DIAPH2: variants seen among roughly 807,000 people sequenced by gnomAD.
DIAPH2 encodes the protein protein diaphanous homolog 2.
Under a neutral mutation model 92.7 loss-of-function variants are expected in DIAPH2, and 35 were observed. That is an observed-to-expected ratio of 0.38 (90% CI 0.29 to 0.50). DIAPH2 has a LOEUF of 0.50. Among genes scored for constraint, DIAPH2 ranks in the 20% least tolerant of loss-of-function variants. The probability of loss-of-function intolerance (pLI) is 0.94; values close to 1 mark genes in which losing one functional copy is unlikely to be tolerated. For synonymous variants in DIAPH2, 301 were observed against 280.4 expected (o/e 1.07, Z -0.73); for missense variants, 701 against 819.5 (o/e 0.86, Z 1.77).
chrX:97,384,062 A>AT lies in DIAPH2; in HGVS notation c.3145+23dup. On this transcript the variant is annotated intron_variant, in intron 25 of 26. Coordinates refer to ENST00000324765, the MANE Select transcript of DIAPH2 (RefSeq NM_006729.5). ...AAACAAAGGTATGAAAATATTTCCA[A>AT]TTTTTACAAAAATGCAAGAAGTACA... The AT allele has an allele frequency of 8.9e-7, 1 of 1,126,138 alleles. No individual in the cohort carries two copies. Among genetic ancestry groups the AT allele is most frequent in the East Asian group, 3.0e-5 (1 of 33,000 alleles). The allele number at this position is 1,126,138 out of a possible 1,213,427, so 92.8% of individuals were successfully genotyped here.
At chrX:96,809,070 A>G (rs745575784) in intron 4 of DIAPH2, among the ~76,000 whole-genome samples, 1 of 111,582 alleles carries the variant, frequency 9.0e-6, no homozygotes, top group Non-Finnish European at 1.9e-5. Flanking sequence ...CCAGCCACAA[A>G]TATTGTTTCC....
chrX:97,185,449 G>GTATATATA (rs1569323271), intron 22 of DIAPH2, among the ~76,000 whole-genome samples: 1 of 6,348 alleles, frequency 1.6e-4, no homozygotes, highest in Non-Finnish European at 2.8e-4. Flanking sequence ...ATATATATAT[G>GTATATATA]TGTGTGTATA....
rs764769544 is a variant in DIAPH2, at chrX:97,142,500, A to G, written c.2719+706A>G. Among the ~76,000 whole-genome samples the G allele has an allele frequency of 2.7e-5, 3 of 111,542 alleles. No homozygotes were observed. The South Asian group carries it at 1.1e-3, about 42-fold the overall frequency. ...ATCTCTGAGACTTCAGTGTCAGGCT[A>G]AGGAGTCTAGTCTTGATGTGGTAAG... On this transcript the variant is annotated intron_variant, in intron 22 of 26. Transcript: ENST00000324765.
chrX:97,551,044 T>C (rs1210097237), intron 26 of DIAPH2, among the ~76,000 whole-genome samples: 2 of 111,273 alleles, frequency 1.8e-5, no homozygotes, highest in African/African-American at 6.5e-5. Flanking sequence ...AAGACTTTTT[T>C]TTTTTTGAAA....
intron 26 of DIAPH2, among the ~76,000 whole-genome samples, chrX:97,577,249 T>C (rs1197222393): frequency 8.9e-6 from 1 of 112,349 alleles, no homozygotes; most frequent in Non-Finnish European, 1.9e-5. Flanking sequence ...TGCACGAATA[T>C]GTATATATGG....
intron 26 of DIAPH2, among the ~76,000 whole-genome samples, chrX:97,557,494 G>A (rs759886072): frequency 2.0e-4 from 22 of 112,027 alleles, no homozygotes; most frequent in African/African-American, 3.6e-4. Context: ...AGCAGAGATC[G>A]TGCCACTGCA....
At chrX:97,309,288 G>A (rs950996072) in intron 23 of DIAPH2, among the ~76,000 whole-genome samples, 1 of 109,264 alleles carries the variant, frequency 9.2e-6, no homozygotes, top group Non-Finnish European at 1.9e-5. Context: ...TAGTAGAGAC[G>A]GGGTTTCACC....
At chrX:97,426,726 A>T (rs2070069252) in intron 25 of DIAPH2, among the ~76,000 whole-genome samples, 1 of 112,073 alleles carries the variant, frequency 8.9e-6, no homozygotes, top group Admixed American at 9.5e-5. Context: ...AGTAACCACC[A>T]TCTGCATGTA....
intron 4 of DIAPH2, among the ~76,000 whole-genome samples, chrX:96,856,916 G>A (rs1037866905): frequency 9.1e-6 from 1 of 110,146 alleles, no homozygotes; most frequent in South Asian, 4.0e-4. Flanking sequence ...GCTGGCACCT[G>A]TAATCCCAGC....
intron 17 of DIAPH2, among the ~76,000 whole-genome samples, chrX:97,040,822 A>G (rs962819595): frequency 9.0e-5 from 10 of 110,962 alleles, no homozygotes; most frequent in African/African-American, 3.3e-4. Context: ...ACTATTTTGT[A>G]GAGCAGTTTT....
intron 5 of DIAPH2, among the ~76,000 whole-genome samples, chrX:96,910,541 G>C (rs937936572): frequency 9.0e-6 from 1 of 111,328 alleles, no homozygotes; most frequent in East Asian, 2.8e-4. Flanking sequence ...GAATGGAATG[G>C]TTTAAATATA....
chrX:96,988,113 C>A (rs753227598), intron 17 of DIAPH2, among the ~76,000 whole-genome samples: 8 of 109,647 alleles, frequency 7.3e-5, no homozygotes, highest in Non-Finnish European at 1.5e-4. Flanking sequence ...AGGATCTGCT[C>A]TGTGCCAGAT....
chrX:97,047,785 G>A (rs1266487114), intron 17 of DIAPH2, among the ~76,000 whole-genome samples: 1 of 108,450 alleles, frequency 9.2e-6, no homozygotes, highest in Non-Finnish European at 1.9e-5. Flanking sequence ...TTTGTTCTAT[G>A]ATTCTAACAA....
intron 26 of DIAPH2, among the ~76,000 whole-genome samples, chrX:97,524,314 GA>G (rs1459532972): frequency 8.9e-6 from 1 of 112,034 alleles, no homozygotes; most frequent in Non-Finnish European, 1.9e-5. Flanking sequence ...GTGCTGTGAT[GA>G]ATATTCTATG....
chrX:96,807,347 A>G (rs1390026854), intron 4 of DIAPH2, among the ~76,000 whole-genome samples: 2 of 111,681 alleles, frequency 1.8e-5, no homozygotes, highest in Non-Finnish European at 3.8e-5. Flanking sequence ...TATTTTAGCA[A>G]ATAAACTCTT....
intron 22 of DIAPH2, among the ~76,000 whole-genome samples, chrX:97,239,591 A>G (rs1460021030): frequency 8.9e-6 from 1 of 111,783 alleles, no homozygotes; most frequent in Non-Finnish European, 1.9e-5. Flanking sequence ...AAAAAAATTA[A>G]AGTGCTACCA....
At chrX:97,244,493 C>T (rs942050692) in intron 22 of DIAPH2, among the ~76,000 whole-genome samples, 9 of 111,746 alleles carry the variant, frequency 8.1e-5, no homozygotes, top group African/African-American at 2.6e-4. Context: ...TCATTGGCCA[C>T]GGTCTCTATA....
intron 26 of DIAPH2, among the ~76,000 whole-genome samples, chrX:97,509,775 T>TA (rs748181669): frequency 6.7e-4 from 73 of 109,106 alleles, no homozygotes; most frequent in Non-Finnish European, 1.2e-3. Context: ...TTTTTGTCCT[T>TA]ACGATAGTTT....
chrX:97,113,055 C>T (rs2066993329), intron 20 of DIAPH2, among the ~76,000 whole-genome samples: 1 of 110,488 alleles, frequency 9.1e-6, no homozygotes, highest in African/African-American at 3.3e-5. Context: ...GCTAGGTTTA[C>T]AGGCCTCAGC....
Sources: gnomAD v4.1 joint callset for allele counts (sites outside exome capture counted in the v4.1 genomes callset) on GRCh38, gnomAD v4.1.1 for gene constraint, MANE v1.5 for transcripts, NCBI Gene and HGNC (gene_info 2026-07-23, HGNC 2026-07-21) for gene names.